The following CTNNA3 variants were observed in gnomAD, a reference collection of about 807,000 sequenced individuals.
The protein encoded by CTNNA3 is catenin alpha 3.
Under a neutral mutation model 95.7 loss-of-function variants are expected in CTNNA3, and 76 were observed. The observed-to-expected ratio is 0.79, with a 90% CI of 0.66 to 0.96. The LOEUF is 0.96. CTNNA3 is among the 40% of genes least tolerant of loss of function. The pLI, the probability that CTNNA3 is intolerant of heterozygous loss-of-function variation, is 0.00. For missense variants in CTNNA3, 1,191 were observed against 1,089.8 expected (o/e 1.09, Z -1.31); for synonymous variants, 431 against 374.4 (o/e 1.15, Z -1.74).
chr10:66,018,820 G>C (rs1347914105), intron 15 of CTNNA3, among the ~76,000 whole-genome samples: 1 of 152,026 alleles, frequency 6.6e-6, no homozygotes, highest in African/African-American at 2.4e-5. Context: ...TTCAATAAAT[G>C]ATTCCTCAGA....
intron 12 of CTNNA3, among the ~76,000 whole-genome samples, chr10:66,339,196 A>G (rs1425839380): frequency 1.3e-5 from 2 of 151,944 alleles, no homozygotes; most frequent in Admixed American, 6.6e-5. Flanking sequence ...ATTATTTAAA[A>G]TTAATCTCTG....
intron 5 of CTNNA3, among the ~76,000 whole-genome samples, chr10:67,381,542 C>A (rs1011392355): frequency 1.3e-5 from 2 of 152,180 alleles, no homozygotes; most frequent in African/African-American, 4.8e-5. Context: ...AGGAGGTTAA[C>A]TGGAAGATCT....
intron 12 of CTNNA3, among the ~76,000 whole-genome samples, chr10:66,286,483 A>T (rs1370838618): frequency 8.6e-6 from 1 of 116,044 alleles, no homozygotes; most frequent in Admixed American, 8.7e-5. Flanking sequence ...TTCACTTTCT[A>T]CCATTCAGAA....
intron 13 of CTNNA3, among the ~76,000 whole-genome samples, chr10:66,172,338 A>G (rs1021139733): frequency 1.3e-5 from 2 of 152,146 alleles, no homozygotes; most frequent in African/African-American, 4.8e-5. Context: ...GTAAATGTAT[A>G]ATTACAAAAC....
intron 5 of CTNNA3, among the ~76,000 whole-genome samples, chr10:67,504,667 T>C (rs1419300241): frequency 6.6e-6 from 1 of 152,096 alleles, no homozygotes; most frequent in Non-Finnish European, 1.5e-5. Flanking sequence ...AAGTCTAACT[T>C]AAGATTCCTT....
chr10:67,457,791 G>C (rs1463359748), intron 5 of CTNNA3, among the ~76,000 whole-genome samples: 1 of 152,034 alleles, frequency 6.6e-6, no homozygotes, highest in Non-Finnish European at 1.5e-5. Flanking sequence ...CAGCAACATG[G>C]GGCCAAGTCC....
rs146047839 is a variant in CTNNA3, at chr10:66,207,803, T to A, written c.1884+72667A>T. Among the ~76,000 whole-genome samples the A allele has an allele frequency of 5.7e-3, 864 of 152,200 alleles. 7 individuals are homozygous for A. The highest frequency in any genetic ancestry group is 0.019 in the African/African-American group (800 of 41,566). On this transcript the variant is annotated intron_variant, in intron 13 of 17. Transcript: ENST00000433211. ...TGATTATGTGGTCTTGTTGTTCTATTGTGCTAATTTGAATTGAAATGGTGC... is the reference window on the plus strand; with the variant it reads ...TGATTATGTGGTCTTGTTGTTCTATAGTGCTAATTTGAATTGAAATGGTGC...
At chr10:66,037,092 T>G (rs2133478197) in intron 15 of CTNNA3, among the ~76,000 whole-genome samples, 1 of 152,144 alleles carries the variant, frequency 6.6e-6, no homozygotes, top group South Asian at 2.1e-4. Context: ...CAGGATGGTC[T>G]TGATCTCCTG....
At chr10:66,852,689 A>C (rs1843539002) in intron 7 of CTNNA3, among the ~76,000 whole-genome samples, 1 of 152,158 alleles carries the variant, frequency 6.6e-6, no homozygotes. Context: ...TATACTCAAT[A>C]GTGAAATTGA....
chr10:67,149,381 T>C (rs569837990), intron 7 of CTNNA3, among the ~76,000 whole-genome samples: 27 of 152,022 alleles, frequency 1.8e-4, no homozygotes, highest in Non-Finnish European at 2.6e-4. Context: ...GTCAGGAGAT[T>C]GAGACCATCC....
intron 13 of CTNNA3, among the ~76,000 whole-genome samples, chr10:66,229,796 C>T (rs2089497372): frequency 6.6e-6 from 1 of 152,092 alleles, no homozygotes; most frequent in Non-Finnish European, 1.5e-5. Context: ...GCTATTATTT[C>T]ATTAAATAGG....
At chr10:67,668,768 G>A (rs116305189) in intron 1 of CTNNA3, among the ~76,000 whole-genome samples, 2,774 of 151,690 alleles carry the variant, frequency 0.018, 91 homozygotes, top group African/African-American at 0.064. Context: ...TTTCAGACCA[G>A]GGTTGACCTT....
Position 66,484,744 on chromosome 10 carries a change from C to T in CTNNA3, c.1531+35873G>A, listed in dbSNP as rs1839667250. On this transcript the variant is annotated intron_variant, in intron 11 of 17. Coordinates refer to ENST00000433211, the MANE Select transcript of CTNNA3 (RefSeq NM_013266.4). ...ACTCGTTTTACAAGGCTAGCATTAC[C>T]CACATAACAAAGTCAGAAAAGGGCA... is the stretch of plus-strand genomic sequence containing the variant. Among the ~76,000 whole-genome samples, 3 of 151,936 alleles carry T rather than the reference C, an allele frequency of 2.0e-5. No homozygotes were observed. The South Asian group carries it at 6.2e-4, about 32-fold the overall frequency.
intron 12 of CTNNA3, among the ~76,000 whole-genome samples, chr10:66,322,457 A>G (rs35891270): frequency 0.32 from 47,869 of 151,872 alleles, 8,378 homozygotes; most frequent in Non-Finnish European, 0.39. Context: ...AAGAGACAGA[A>G]ATCAAAGTTC....
At chr10:67,247,390 A>C (rs1405733594) in intron 5 of CTNNA3, among the ~76,000 whole-genome samples, 1 of 152,218 alleles carries the variant, frequency 6.6e-6, no homozygotes. Flanking sequence ...GAAATTAAGA[A>C]AACAATTCCA....
chr10:66,590,622 G>T (rs558876585), intron 10 of CTNNA3, among the ~76,000 whole-genome samples: 65 of 152,104 alleles, frequency 4.3e-4, no homozygotes, highest in African/African-American at 1.5e-3. Flanking sequence ...TTCAGTGAGG[G>T]TAATTTCATT....
intron 9 of CTNNA3, among the ~76,000 whole-genome samples, chr10:66,697,835 CTG>C (rs1352341179): frequency 6.6e-6 from 1 of 152,104 alleles, no homozygotes; most frequent in Admixed American, 6.5e-5. Context: ...AGTGTATAAA[CTG>C]TGCTAGCATA....
At chr10:67,492,751 T>C (rs1490623021) in intron 5 of CTNNA3, among the ~76,000 whole-genome samples, 3 of 152,204 alleles carry the variant, frequency 2.0e-5, no homozygotes, top group East Asian at 3.9e-4. Flanking sequence ...GAACAGCAAG[T>C]ACTAAGGACA....
chr10:66,702,286 G>C (rs555987406), intron 9 of CTNNA3, among the ~76,000 whole-genome samples: 2 of 151,854 alleles, frequency 1.3e-5, no homozygotes, highest in African/African-American at 4.8e-5. Context: ...ATAGGTTACT[G>C]TGTGCTGATT....
Sources: gnomAD v4.1 joint callset for allele counts (sites outside exome capture counted in the v4.1 genomes callset) on GRCh38, gnomAD v4.1.1 for gene constraint, MANE v1.5 for transcripts, NCBI Gene and HGNC (gene_info 2026-07-23, HGNC 2026-07-21) for gene names.